CHIC1: variants seen among roughly 807,000 people sequenced by gnomAD.
The protein encoded by CHIC1 is cysteine rich hydrophobic domain 1.
CHIC1 carries 7 observed loss-of-function variants against 18.5 expected under a neutral mutation model. The ratio of observed to expected loss-of-function variants is 0.38; its 90% CI spans 0.22 to 0.71. The LOEUF (loss-of-function observed/expected upper bound fraction) is 0.71, where lower values mean the gene tolerates loss of function less well. Ranked by LOEUF, CHIC1 falls within the 30% of genes least tolerant of loss-of-function variation. The pLI is 0.49. For synonymous variants in CHIC1, 77 were observed against 73.5 expected, an observed-to-expected ratio of 1.05 and a Z score of -0.25; for missense variants, 159 against 176.9, an observed-to-expected ratio of 0.90 and a Z score of 0.57.
intron 3 of CHIC1, among the ~76,000 whole-genome samples, chrX:73,645,775 G>A (rs760376467): frequency 9.0e-6 from 1 of 111,541 alleles, no homozygotes; most frequent in Non-Finnish European, 1.9e-5. Flanking sequence ...ACTACAGTTT[G>A]AGTTTCTTAT....
intron 1 of CHIC1, among the ~76,000 whole-genome samples, chrX:73,564,619 A>G (rs1409104136): frequency 9.0e-6 from 1 of 110,675 alleles, no homozygotes; most frequent in Non-Finnish European, 1.9e-5. Context: ...CCTCTGAACT[A>G]TGCTATCTTT....
chrX:73,675,486 T>TG (rs2058056942), intron 3 of CHIC1, among the ~76,000 whole-genome samples: 4 of 112,101 alleles, frequency 3.6e-5, no homozygotes, highest in African/African-American at 1.3e-4. Context: ...CATAATGTAA[T>TG]GGCCTTCTTT....
chrX:73,645,462 T>C (rs1350693458), intron 3 of CHIC1, among the ~76,000 whole-genome samples: 1 of 111,921 alleles, frequency 8.9e-6, no homozygotes, highest in Non-Finnish European at 1.9e-5. Context: ...GAATTCTATT[T>C]TTAGTTTTTT....
chrX:73,655,756 G>A, intron 3 of CHIC1, among the ~76,000 whole-genome samples: 2 of 106,121 alleles, frequency 1.9e-5, no homozygotes, highest in Middle Eastern at 0.01. Flanking sequence ...GCTGTTGTGA[G>A]TAGTGCTGCA....
At chrX:73,675,114 T>G (rs992369292) in intron 3 of CHIC1, among the ~76,000 whole-genome samples, 1 of 112,176 alleles carries the variant, frequency 8.9e-6, no homozygotes, top group African/African-American at 3.2e-5. Context: ...TTGTTATAAT[T>G]TCTATTCTTT....
chrX:73,655,494 GTATATATATATACATATATACACAATAT>G (rs2057941310), intron 3 of CHIC1, among the ~76,000 whole-genome samples: 6 of 54,229 alleles, frequency 1.1e-4, no homozygotes, highest in Non-Finnish European at 2.1e-4. Context: ...ACAATATTGT[GTATATATATATACATATATACACAATAT>G]TGTGTATATA....
intron 3 of CHIC1, among the ~76,000 whole-genome samples, chrX:73,623,866 A>G (rs1348361073): frequency 3.6e-5 from 4 of 111,636 alleles, no homozygotes; most frequent in Admixed American, 2.9e-4. Context: ...TTGTAAACCA[A>G]TTAAAGCTCT....
At chrX:73,615,266 C>G (rs1044346077) in intron 3 of CHIC1, among the ~76,000 whole-genome samples, 1 of 111,126 alleles carries the variant, frequency 9.0e-6, no homozygotes, top group Non-Finnish European at 1.9e-5. Context: ...AGCAGCGGGT[C>G]CCCAGACAGC....
At chrX:73,675,386 A>G (rs908962409) in intron 3 of CHIC1, among the ~76,000 whole-genome samples, 1 of 111,659 alleles carries the variant, frequency 9.0e-6, no homozygotes, top group Non-Finnish European at 1.9e-5. Context: ...GTAGGTCACT[A>G]AGGACTTGAT....
At chrX:73,676,783 G>A (rs764965407) in intron 3 of CHIC1, among the ~76,000 whole-genome samples, 70 of 111,978 alleles carry the variant, frequency 6.3e-4, no homozygotes, top group Admixed American at 2.2e-3. Flanking sequence ...GAGGAGCTGC[G>A]TTCCTTTGGA....
At chrX:73,616,232 C>T (rs2057732245) in intron 3 of CHIC1, among the ~76,000 whole-genome samples, 1 of 111,143 alleles carries the variant, frequency 9.0e-6, no homozygotes, top group Non-Finnish European at 1.9e-5. Flanking sequence ...CCTTTGTTAG[C>T]CTTAGGACCC....
intron 2 of CHIC1, among the ~76,000 whole-genome samples, chrX:73,582,017 A>T (rs1256737327): frequency 9.1e-6 from 1 of 110,031 alleles, no homozygotes; most frequent in African/African-American, 3.3e-5. Flanking sequence ...ACACTATTTC[A>T]TCCCTGGTAG....
intron 3 of CHIC1, 103 bp downstream of exon 3, chrX:73,584,675 A>C: frequency 1.7e-6 from 1 of 574,664 alleles, no homozygotes; most frequent in Non-Finnish European, 2.5e-6. Context: ...AATTTAGTTA[A>C]TTCTTGTAAC....
intron 3 of CHIC1, among the ~76,000 whole-genome samples, chrX:73,591,515 G>T (rs1286037746): frequency 2.7e-5 from 3 of 111,565 alleles, no homozygotes; most frequent in Non-Finnish European, 3.8e-5. Flanking sequence ...TCAGCCTGTG[G>T]TTTGTCTTTT....
intron 3 of CHIC1, among the ~76,000 whole-genome samples, chrX:73,666,774 T>A (rs1412831049): frequency 2.7e-5 from 3 of 112,348 alleles, no homozygotes; most frequent in African/African-American, 9.7e-5. Context: ...TACTTCCAAT[T>A]ATGTGATCAA....
chrX:73,565,577 G>C (rs1353573807), intron 1 of CHIC1, among the ~76,000 whole-genome samples: 1 of 111,812 alleles, frequency 8.9e-6, no homozygotes, highest in Non-Finnish European at 1.9e-5. Context: ...ATTTAGTTTT[G>C]TTGTACACAT....
At chrX:73,621,262 A>G (rs958108737) in intron 3 of CHIC1, among the ~76,000 whole-genome samples, 1 of 111,911 alleles carries the variant, frequency 8.9e-6, no homozygotes, top group African/African-American at 3.2e-5. Flanking sequence ...TGATAGGGAT[A>G]TCATTCAATC....
At chrX:73,629,949 G>A (rs1005756868) in intron 3 of CHIC1, among the ~76,000 whole-genome samples, 1 of 111,708 alleles carries the variant, frequency 9.0e-6, no homozygotes, top group Non-Finnish European at 1.9e-5. Flanking sequence ...TTGTGTATTT[G>A]TGTCTTCTTC....
chrX:73,633,271 T>C (rs1262798013), intron 3 of CHIC1, among the ~76,000 whole-genome samples: 1 of 104,463 alleles, frequency 9.6e-6, no homozygotes, highest in Non-Finnish European at 2.0e-5. Context: ...CTTTATCTCC[T>C]TCATTTCTAA....
Sources: allele counts gnomAD v4.1 joint callset (sites outside exome capture counted in the v4.1 genomes callset), GRCh38; gene constraint gnomAD v4.1.1; transcripts MANE v1.5; gene names NCBI Gene and HGNC (gene_info 2026-07-23, HGNC 2026-07-21).